Variants in ITGBL1 observed in about 807,000 individuals in gnomAD.
ITGBL1 encodes integrin beta-like protein 1.
A neutral mutation model predicts 68.5 loss-of-function variants in ITGBL1; 51 were observed. The ratio of observed to expected loss-of-function variants is 0.74; its 90% CI spans 0.59 to 0.94. The LOEUF is 0.94. Among genes scored for constraint, ITGBL1 ranks in the 40% least tolerant of loss-of-function variants. ITGBL1 has a pLI of 0.00. For missense variants in ITGBL1, 649 were observed against 647.4 expected (o/e 1.00, Z -0.03); for synonymous variants, 209 against 227.3 (o/e 0.92, Z 0.72).
At chr13:101,520,981 C>T (rs1052588790) in intron 2 of ITGBL1, among the ~76,000 whole-genome samples, 1 of 152,130 alleles carries the variant, frequency 6.6e-6, no homozygotes, top group African/African-American at 2.4e-5. Flanking sequence ...GTAGCTGATT[C>T]CTGTCTTAGA....
intron 8 of ITGBL1, among the ~76,000 whole-genome samples, chr13:101,697,172 G>C (rs1279416492): frequency 4.0e-5 from 6 of 150,460 alleles, no homozygotes. Flanking sequence ...CTTATACTTG[G>C]CTCATCTTTA....
chr13:101,600,041 T>G (rs2030258452), intron 7 of ITGBL1, among the ~76,000 whole-genome samples: 1 of 152,256 alleles, frequency 6.6e-6, no homozygotes, highest in Non-Finnish European at 1.5e-5. Context: ...ATGGCCATTT[T>G]CACGATATTG....
chr13:101,712,708 T>C (rs2034529152), intron 9 of ITGBL1: 1 of 152,230 alleles, frequency 6.6e-6, no homozygotes, highest in African/African-American at 2.4e-5. Context: ...AAATACTCCA[T>C]GTGGTCTTTG....
chr13:101,494,050 A>T (rs936793648), intron 2 of ITGBL1, among the ~76,000 whole-genome samples: 3 of 152,184 alleles, frequency 2.0e-5, no homozygotes, highest in African/African-American at 7.2e-5. Flanking sequence ...GAGGAGACAC[A>T]TTGTTTACCT....
chr13:101,656,414 G>A (rs2032927132), intron 7 of ITGBL1, among the ~76,000 whole-genome samples: 1 of 152,048 alleles, frequency 6.6e-6, no homozygotes, highest in Non-Finnish European at 1.5e-5. Flanking sequence ...ACATGTTTTG[G>A]GCTAAAATAT....
intron 7 of ITGBL1, among the ~76,000 whole-genome samples, chr13:101,600,415 T>C (rs1397829489): frequency 6.6e-6 from 1 of 152,224 alleles, no homozygotes; most frequent in African/African-American, 2.4e-5. Flanking sequence ...TTTTCCTAAT[T>C]GAATGCCGTT....
At chr13:101,569,025 A>AC (rs2050227306) in intron 3 of ITGBL1, among the ~76,000 whole-genome samples, 32 of 103,722 alleles carry the variant, frequency 3.1e-4, no homozygotes, top group South Asian at 4.7e-4. Flanking sequence ...CACCCCTCCA[A>AC]ACACACACAC....
At chr13:101,620,663 A>G (rs942819866) in intron 7 of ITGBL1, among the ~76,000 whole-genome samples, 4 of 152,120 alleles carry the variant, frequency 2.6e-5, no homozygotes, top group African/African-American at 9.7e-5. Flanking sequence ...AAGTACCTGG[A>G]GTCTTTCCAG....
chr13:101,604,887 T>TATATATACACACACACACACACAC, intron 7 of ITGBL1, among the ~76,000 whole-genome samples: 1 of 22,166 alleles, frequency 4.5e-5, no homozygotes, highest in African/African-American at 1.5e-4. Context: ...TATATATATA[T>TATATATACACACACACACACACAC]ACACACACAC....
At chr13:101,574,542 C>T (rs2050324367) in intron 3 of ITGBL1, among the ~76,000 whole-genome samples, 3 of 152,090 alleles carry the variant, frequency 2.0e-5, no homozygotes. Context: ...ACTTGATTCC[C>T]GTTGGATTTT....
chr13:101,670,005 T>C (rs1425771602), intron 7 of ITGBL1, among the ~76,000 whole-genome samples: 2 of 152,192 alleles, frequency 1.3e-5, no homozygotes, highest in Non-Finnish European at 2.9e-5. Flanking sequence ...ACTGCCTTTT[T>C]TTCCCCCTCC....
intron 2 of ITGBL1, among the ~76,000 whole-genome samples, chr13:101,471,272 A>G (rs1442489219): frequency 5.3e-5 from 8 of 152,086 alleles, no homozygotes; most frequent in Admixed American, 3.9e-4. Context: ...TCATAGTGTT[A>G]TTATTGAGAA....
chr13:101,690,434 G>T (rs2033857760), intron 7 of ITGBL1, among the ~76,000 whole-genome samples: 1 of 152,106 alleles, frequency 6.6e-6, no homozygotes, highest in African/African-American at 2.4e-5. Flanking sequence ...ACCCTGAAAC[G>T]TAGAAACTGG....
intron 9 of ITGBL1, chr13:101,711,681 G>A (rs1178667054): frequency 5.9e-5 from 9 of 152,142 alleles, no homozygotes; most frequent in Non-Finnish European, 1.3e-4. Context: ...TCTCATCTTT[G>A]AAGGTAAAAT....
intron 6 of ITGBL1, among the ~76,000 whole-genome samples, chr13:101,586,066 T>G (rs2050551648): frequency 6.6e-6 from 1 of 152,128 alleles, no homozygotes; most frequent in Non-Finnish European, 1.5e-5. Flanking sequence ...TCGTGTAAGC[T>G]TGTGTGCAAT....
chr13:101,635,394 G>T (rs1049214511), intron 7 of ITGBL1, among the ~76,000 whole-genome samples: 1 of 151,962 alleles, frequency 6.6e-6, no homozygotes, highest in Non-Finnish European at 1.5e-5. Context: ...GAATGAATAA[G>T]AATATAATCT....
intron 2 of ITGBL1, among the ~76,000 whole-genome samples, chr13:101,513,193 C>T (rs141851607): frequency 6.6e-6 from 1 of 151,850 alleles, no homozygotes; most frequent in East Asian, 1.9e-4. Flanking sequence ...CTAGGACTTG[C>T]CTGATATTCC....
chr13:101,605,141 T>A (rs1040135492), intron 7 of ITGBL1, among the ~76,000 whole-genome samples: 1 of 143,006 alleles, frequency 7.0e-6, no homozygotes, highest in African/African-American at 2.7e-5. Context: ...TATATGTGTA[T>A]ATATACATAT....
At chr13:101,471,170 TGAG>T (rs1566688891) in intron 2 of ITGBL1, among the ~76,000 whole-genome samples, 1 of 152,178 alleles carries the variant, frequency 6.6e-6, no homozygotes, top group Non-Finnish European at 1.5e-5. Context: ...GGGAGAATGC[TGAG>T]GAGATTGAAG....
Sources: gnomAD v4.1 joint callset for allele counts (sites outside exome capture counted in the v4.1 genomes callset) on GRCh38, gnomAD v4.1.1 for gene constraint, MANE v1.5 for transcripts, NCBI Gene and HGNC (gene_info 2026-07-23, HGNC 2026-07-21) for gene names.